ACTR3: variants seen among roughly 807,000 people sequenced by gnomAD.
The protein encoded by ACTR3 is actin related protein 3, also known as actin-related protein 3.
ACTR3 carries 12 observed loss-of-function variants against 56.8 expected under a neutral mutation model. That is an observed-to-expected ratio of 0.21 (90% CI 0.14 to 0.34). The LOEUF is 0.34. ACTR3 is among the 10% of genes least tolerant of loss of function. The probability of loss-of-function intolerance (pLI) is 1.00; values close to 1 mark genes in which losing one functional copy is unlikely to be tolerated. For missense variants in ACTR3, 282 were observed against 512.5 expected, an observed-to-expected ratio of 0.55 and a Z score of 4.34; for synonymous variants, 162 against 167.4, an observed-to-expected ratio of 0.97 and a Z score of 0.25.
chr2:113,913,908 C>G (rs575392680), intron 2 of ACTR3, among the ~76,000 whole-genome samples: 25 of 152,172 alleles, frequency 1.6e-4, no homozygotes, highest in Admixed American at 5.2e-4. Flanking sequence ...TTTTGACTTG[C>G]AAACAGTTCA....
rs574430135 is a variant in ACTR3, at chr2:113,944,440, T to G, written c.858+2081T>G. On this transcript the variant is annotated intron_variant, in intron 8 of 11. Coordinates refer to ENST00000263238, the MANE Select transcript of ACTR3 (RefSeq NM_005721.5). Reference sequence around the variant, plus strand: ...AGTTGAAGAAGTTCATCATCATAGTTCATAGTTTTAATTTTTTTATGAGGT... The same window carrying G: ...AGTTGAAGAAGTTCATCATCATAGTGCATAGTTTTAATTTTTTTATGAGGT... Among the ~76,000 whole-genome samples, 4 of 151,952 alleles carry G rather than the reference T, an allele frequency of 2.6e-5. 1 individual carries two copies. Among genetic ancestry groups the G allele is most frequent in the African/African-American group, 9.7e-5 (4 of 41,436 alleles).
At position 113,955,606 on chromosome 2, in the gene ACTR3, A is replaced by T. The variant is rs763662379; in HGVS notation, c.1078-17A>T. Reference sequence around the variant, plus strand: ...TTGAATTTACTATGAAGATGATCATACTATGTCTTTCTTTAGCCAAAACCT... The same window carrying T: ...TTGAATTTACTATGAAGATGATCATTCTATGTCTTTCTTTAGCCAAAACCT... On this transcript the variant is annotated splice_polypyrimidine_tract_variant and intron_variant, in intron 10 of 11. Transcript: ENST00000263238. The T allele has an allele frequency of 2.7e-5, 42 of 1,565,502 alleles. No individual in the cohort carries two copies. The highest frequency in any genetic ancestry group is 1.7e-4 in the Middle Eastern group (1 of 5,988).
chr2:113,915,503 CAT>C (rs1171388799), intron 2 of ACTR3, among the ~76,000 whole-genome samples: 2 of 152,186 alleles, frequency 1.3e-5, no homozygotes, highest in African/African-American at 4.8e-5. Flanking sequence ...GTTAGGACTT[CAT>C]ATCTTTTTGG....
At chr2:113,935,206 T>C (rs1390991890) in intron 6 of ACTR3, among the ~76,000 whole-genome samples, 1 of 152,088 alleles carries the variant, frequency 6.6e-6, no homozygotes, top group African/African-American at 2.4e-5. Context: ...TAACGATAGC[T>C]TAAGATAAAA....
intron 4 of ACTR3, among the ~76,000 whole-genome samples, chr2:113,930,966 T>G (rs939172807): frequency 2.0e-5 from 3 of 152,168 alleles, no homozygotes; most frequent in Admixed American, 6.5e-5. Context: ...TTACCATATT[T>G]AAAGGATGAT....
chr2:113,916,606 T>G (rs1202937861), intron 2 of ACTR3, among the ~76,000 whole-genome samples: 1 of 152,174 alleles, frequency 6.6e-6, no homozygotes, highest in East Asian at 1.9e-4. Flanking sequence ...AAAGGAGGAT[T>G]TATATAATTT....
intron 6 of ACTR3, among the ~76,000 whole-genome samples, chr2:113,939,094 A>G (rs1342590392): frequency 6.7e-6 from 1 of 148,738 alleles, no homozygotes; most frequent in Non-Finnish European, 1.5e-5. Context: ...TGCGATCTCG[A>G]CTCACTGCAA....
chr2:113,918,734 T>A (rs1166587297), intron 3 of ACTR3, among the ~76,000 whole-genome samples: 6 of 152,190 alleles, frequency 3.9e-5, no homozygotes, highest in Non-Finnish European at 8.8e-5. Context: ...ATTGTTATAC[T>A]CTAGTGCTTT....
intron 3 of ACTR3, among the ~76,000 whole-genome samples, chr2:113,925,838 A>G (rs541509977): frequency 5.3e-5 from 8 of 152,148 alleles, no homozygotes; most frequent in Non-Finnish European, 7.4e-5. Context: ...CAAGGTATTT[A>G]TTTCTTTGTT....
At chr2:113,925,775 T>C (rs1679608894) in intron 3 of ACTR3, among the ~76,000 whole-genome samples, 1 of 152,204 alleles carries the variant, frequency 6.6e-6, no homozygotes, top group Admixed American at 6.5e-5. Flanking sequence ...TATAATGCCT[T>C]AAAAAGTAGT....
intron 1 of ACTR3, among the ~76,000 whole-genome samples, chr2:113,910,169 G>C (rs1679280729): frequency 6.6e-6 from 1 of 152,036 alleles, no homozygotes; most frequent in Non-Finnish European, 1.5e-5. Context: ...CCAACCACTG[G>C]GGCTGAAGGT....
chr2:113,944,449 T>G (rs1348878544), intron 8 of ACTR3, among the ~76,000 whole-genome samples: 1 of 151,960 alleles, frequency 6.6e-6, no homozygotes, highest in African/African-American at 2.4e-5. Flanking sequence ...TTCATAGTTT[T>G]AATTTTTTTA....
At chr2:113,920,404 G>C (rs1404902603) in intron 3 of ACTR3, among the ~76,000 whole-genome samples, 1 of 152,174 alleles carries the variant, frequency 6.6e-6, no homozygotes, top group Non-Finnish European at 1.5e-5. Context: ...CATATTTATG[G>C]AGTATGTAGT....
chr2:113,892,645 A>G (rs780825640), intron 1 of ACTR3, among the ~76,000 whole-genome samples: 1 of 152,198 alleles, frequency 6.6e-6, no homozygotes, highest in Non-Finnish European at 1.5e-5. Context: ...TTACATTTCA[A>G]AATTCTGTGG....
At chr2:113,916,654 T>C (rs1043090154) in intron 2 of ACTR3, among the ~76,000 whole-genome samples, 3 of 152,172 alleles carry the variant, frequency 2.0e-5, no homozygotes, top group Non-Finnish European at 2.9e-5. Flanking sequence ...CAGATGTTGT[T>C]TTTCTGGCTT....
At chr2:113,956,377 ATTTTT>A (rs768293151) in intron 11 of ACTR3, among the ~76,000 whole-genome samples, 1 of 141,924 alleles carries the variant, frequency 7.0e-6, no homozygotes, top group Admixed American at 7.1e-5. Flanking sequence ...TTTGAATTTA[ATTTTT>A]TTTTTTTTTT....
intron 1 of ACTR3, among the ~76,000 whole-genome samples, chr2:113,894,855 C>G (rs1181174619): frequency 6.6e-6 from 1 of 152,120 alleles, no homozygotes; most frequent in African/African-American, 2.4e-5. Flanking sequence ...GACCTGAGTT[C>G]TGTATTTAAG....
intron 1 of ACTR3, chr2:113,905,054 T>C (rs146208175): frequency 1.3e-5 from 2 of 152,364 alleles, no homozygotes; most frequent in African/African-American, 4.8e-5. Context: ...AATTTTTACA[T>C]AGTTGAAATA....
At chr2:113,953,481 C>T (rs1001722133) in intron 10 of ACTR3, 1 of 152,158 alleles carries the variant, frequency 6.6e-6, no homozygotes, top group Admixed American at 6.6e-5. Context: ...ACTTGGGATG[C>T]TCATCATGTA....
Sources: allele counts gnomAD v4.1 joint callset (sites outside exome capture counted in the v4.1 genomes callset), GRCh38; gene constraint gnomAD v4.1.1; transcripts MANE v1.5; gene names NCBI Gene and HGNC (gene_info 2026-07-23, HGNC 2026-07-21).